PSME4: variants seen among roughly 807,000 people sequenced by gnomAD.
The protein encoded by PSME4 is proteasome activator subunit 4.
Under a neutral mutation model 253.9 loss-of-function variants are expected in PSME4, and 89 were observed. The ratio of observed to expected loss-of-function variants is 0.35; its 90% CI spans 0.30 to 0.42. The LOEUF (loss-of-function observed/expected upper bound fraction) is 0.42. PSME4 is among the 10% of genes least tolerant of loss of function. The pLI, the probability that PSME4 is intolerant of heterozygous loss-of-function variation, is 1.00. For missense variants in PSME4, 2,014 were observed against 2,195.2 expected, an observed-to-expected ratio of 0.92 and a Z score of 1.65; for synonymous variants, 851 against 759.2, an observed-to-expected ratio of 1.12 and a Z score of -1.99.
chr2:53,966,252 C>G (rs1670731075), intron 1 of PSME4, among the ~76,000 whole-genome samples: 1 of 151,966 alleles, frequency 6.6e-6, no homozygotes, highest in African/African-American at 2.4e-5. Flanking sequence ...CCACTGCACT[C>G]CAGCCTGGAT....
At chr2:53,893,086 C>T in intron 35 of PSME4, 126 bp from the exon 36 acceptor site, 1 of 703,404 alleles carries the variant, frequency 1.4e-6, no homozygotes, top group East Asian at 2.9e-5. Context: ...TTTAGAACTG[C>T]TTTAACAATT....
Position 53,923,341 on chromosome 2 carries a change from T to G in PSME4, c.1888A>C (p.Met630Leu). Residue 630 changes from methionine to leucine, a missense_variant, in exon 15 of 47, where the codon ATG becomes CTG. Transcript: ENST00000404125. ...CTCACCTTTACAGCAGCGCGGCACA[T>G]GTCTGCCACCATGCGACCTGCTACT... The part of the protein sequence containing the change: ...TRVAGRMVAD[M>L]CRAAVKCCPE... 1 of 1,608,630 alleles carries G rather than the reference T, an allele frequency of 6.2e-7. No individual in the cohort carries two copies. Among genetic ancestry groups the G allele is most frequent in the East Asian group, 2.2e-5 (1 of 44,798 alleles).
chr2:53,906,922 C>T, intron 24 of PSME4, 54 bp from the exon 25 acceptor site: 1 of 1,513,344 alleles, frequency 6.6e-7, no homozygotes, highest in African/African-American at 1.4e-5. Context: ...ATGACTTCAA[C>T]AATGGATGCC....
intron 14 of PSME4, 82 bp from the exon 15 acceptor site, chr2:53,923,501 T>G (rs1668418987): frequency 5.6e-6 from 8 of 1,425,128 alleles, no homozygotes; most frequent in Middle Eastern, 3.9e-4. Context: ...ATGATAAATA[T>G]ATTTAGACAA....
At chr2:53,894,871 A>G (rs1019502906) in intron 34 of PSME4, 136 bp downstream of exon 34, 35 of 693,170 alleles carry the variant, frequency 5.0e-5, no homozygotes, top group African/African-American at 1.6e-4. Context: ...ATAGTCACCA[A>G]TATTTATGCA....
At chr2:53,942,043 T>G (rs551768912) in intron 3 of PSME4, 7 of 152,560 alleles carry the variant, frequency 4.6e-5, no homozygotes, top group Non-Finnish European at 1.0e-4. Flanking sequence ...GATTAGGGTA[T>G]GTGGGAATGC....
At position 53,890,261 on chromosome 2, in the gene PSME4, C is replaced by A. The variant is rs373441553; in HGVS notation, c.4192-53G>T. 9 of 1,192,124 alleles carry A rather than the reference C, an allele frequency of 7.5e-6. 1 individual carries two copies. The highest frequency in any genetic ancestry group is 1.9e-5 in the Admixed American group (1 of 51,890). The allele number at this position is 1,192,124 out of a possible 1,614,324, so 73.8% of individuals were successfully genotyped here. ...AGTTAATGACACTCAGAACATTTTT[C>A]TTCAAATATCTTTCTTTACCTGGAA... On this transcript the variant is annotated intron_variant, in intron 36 of 46. Transcript: ENST00000404125.
In PSME4 at chr2:53,923,315, A is replaced by G. The variant is rs755827823; in HGVS notation, c.1908+6T>C. 4 of 1,592,040 alleles carry G rather than the reference A, an allele frequency of 2.5e-6. No homozygotes were observed. In the South Asian group the frequency reaches 4.7e-5, roughly 19 times the overall value. Reference sequence around the variant, plus strand: ...TTAATACATCAGTTCAAAAAAATAAACTCACCTTTACAGCAGCGCGGCACA... The same window carrying G: ...TTAATACATCAGTTCAAAAAAATAAGCTCACCTTTACAGCAGCGCGGCACA... On this transcript the variant is annotated splice_donor_region_variant and intron_variant, in intron 15 of 46. Transcript: ENST00000404125.
intron 1 of PSME4, among the ~76,000 whole-genome samples, chr2:53,965,717 G>C (rs1314532993): frequency 1.3e-5 from 2 of 150,436 alleles, no homozygotes; most frequent in Non-Finnish European, 2.9e-5. Flanking sequence ...CCAGGCTGGA[G>C]TGCAATGGTG....
chr2:53,952,150 T>C (rs186989886), intron 1 of PSME4, among the ~76,000 whole-genome samples: 171 of 152,300 alleles, frequency 1.1e-3, no homozygotes, highest in African/African-American at 4.0e-3. Context: ...ATATTCCAGA[T>C]ACCAGCCAGG....
intron 12 of PSME4, among the ~76,000 whole-genome samples, chr2:53,926,517 T>A (rs1014114356): frequency 6.6e-6 from 1 of 151,912 alleles, no homozygotes; most frequent in Admixed American, 6.6e-5. Context: ...CTACTAAAAA[T>A]ACACATATAC....
intron 43 of PSME4, chr2:53,870,507 G>C (rs751253715): frequency 1.3e-5 from 2 of 150,848 alleles, no homozygotes; most frequent in African/African-American, 4.9e-5. Context: ...CCAAGTAGCT[G>C]GGACTACAGG....
intron 46 of PSME4, 82 bp downstream of exon 46, chr2:53,866,003 A>G (rs1363185831): frequency 7.4e-7 from 1 of 1,357,328 alleles, no homozygotes; most frequent in Admixed American, 2.4e-5. Flanking sequence ...ACATCTAAGA[A>G]TGTCAGCAAA....
chr2:53,920,147 T>C, intron 19 of PSME4, 46 bp downstream of exon 19: 1 of 1,504,762 alleles, frequency 6.6e-7, no homozygotes, highest in Non-Finnish European at 8.9e-7. Flanking sequence ...AAAAAAGACT[T>C]CTTTAGTCTG....
At chr2:53,933,508 GA>G (rs1668956418) in intron 8 of PSME4, among the ~76,000 whole-genome samples, 1 of 151,786 alleles carries the variant, frequency 6.6e-6, no homozygotes, top group Non-Finnish European at 1.5e-5. Flanking sequence ...GCCTGCTGAG[GA>G]GCTAATACCA....
At chr2:53,943,438 ATATCT>A (rs1477547952) in intron 3 of PSME4, among the ~76,000 whole-genome samples, 6 of 152,176 alleles carry the variant, frequency 3.9e-5, no homozygotes, top group Admixed American at 1.3e-4. Context: ...TATCCATCTC[ATATCT>A]TATCTTCAAA....
chr2:53,911,953 T>C (rs1387724985), intron 20 of PSME4, among the ~76,000 whole-genome samples: 1 of 152,234 alleles, frequency 6.6e-6, no homozygotes, highest in South Asian at 2.1e-4. Flanking sequence ...TGAATTGTTT[T>C]CTTATCAGGG....
At chr2:53,893,075 CT>C in intron 35 of PSME4, 115 bp from the exon 36 acceptor site, 1 of 796,426 alleles carries the variant, frequency 1.3e-6, no homozygotes, top group Non-Finnish European at 1.9e-6. Context: ...GCACACTCCC[CT>C]TTAGAACTGC....
chr2:53,898,483 G>A (rs923592151), intron 29 of PSME4, 129 bp from the exon 30 acceptor site: 3 of 654,098 alleles, frequency 4.6e-6, no homozygotes, highest in Admixed American at 6.3e-5. Context: ...GACTGTAAAC[G>A]GCCTGATGAG....
Sources: gnomAD v4.1 joint callset for allele counts (sites outside exome capture counted in the v4.1 genomes callset) on GRCh38, gnomAD v4.1.1 for gene constraint, MANE v1.5 for transcripts, NCBI Gene and HGNC (gene_info 2026-07-23, HGNC 2026-07-21) for gene names.